The following GRM8 variants were observed in gnomAD, a reference collection of about 807,000 sequenced individuals.
GRM8 encodes glutamate metabotropic receptor 8, also known as metabotropic glutamate receptor 8.
GRM8 carries 47 observed loss-of-function variants against 87.2 expected under a neutral mutation model. That is an observed-to-expected ratio of 0.54 (90% CI 0.43 to 0.69). The LOEUF (loss-of-function observed/expected upper bound fraction) is 0.69, where lower values mean the gene tolerates loss of function less well. Ranked by LOEUF, GRM8 falls within the 30% of genes least tolerant of loss-of-function variation. GRM8 has a pLI of 0.00. For synonymous variants in GRM8, 396 were observed against 404.5 expected (o/e 0.98, Z 0.25); for missense variants, 1,019 against 1,139.2 (o/e 0.89, Z 1.52).
At chr7:127,180,193 C>A (rs966040025) in intron 2 of GRM8, among the ~76,000 whole-genome samples, 2 of 152,014 alleles carry the variant, frequency 1.3e-5, no homozygotes, top group African/African-American at 4.8e-5. Flanking sequence ...CACTGAAATA[C>A]AAAAGATCAT....
rs541635023 is a variant in GRM8 at position 127,244,205 on chromosome 7, G to T, written c.-311-690C>A. ...AGATATTCCTATTACCATTGTCAGGGTTTCCAATTAATTTGTCGGTGTGGG... is the reference window on the plus strand; with the variant it reads ...AGATATTCCTATTACCATTGTCAGGTTTTCCAATTAATTTGTCGGTGTGGG... On this transcript the variant is annotated intron_variant, in intron 1 of 10. Coordinates refer to ENST00000339582, the MANE Select transcript of GRM8 (RefSeq NM_000845.3). Among the ~76,000 whole-genome samples the T allele has an allele frequency of 3.3e-5, 5 of 152,256 alleles. No individual in the cohort carries two copies. In the South Asian group the frequency reaches 1.0e-3, roughly 32 times the overall value.
intron 7 of GRM8, among the ~76,000 whole-genome samples, chr7:126,768,254 C>G (rs1466417577): frequency 6.7e-6 from 1 of 148,948 alleles, no homozygotes; most frequent in Non-Finnish European, 1.5e-5. Flanking sequence ...CTCCAGGAAA[C>G]TCGAAGTGCC....
Position 126,827,477 on chromosome 7 carries a change from T to C in GRM8, c.1157-57412A>G, listed in dbSNP as rs146902842. ...AAGTATTTTATTCTCTTTGAAGCAA[T>C]TGTGAATGGGAGTTCACTCATGATT... is the stretch of plus-strand genomic sequence containing the variant. On this transcript the variant is annotated intron_variant, in intron 6 of 10. Transcript: ENST00000339582. Among the ~76,000 whole-genome samples the C allele has an allele frequency of 6.1e-3, 931 of 152,346 alleles. 13 individuals are homozygous for C. Among genetic ancestry groups the C allele is most frequent in the African/African-American group, 0.021 (880 of 41,570 alleles).
intron 6 of GRM8, among the ~76,000 whole-genome samples, chr7:126,834,040 A>G (rs1039444386): frequency 3.9e-5 from 6 of 152,168 alleles, no homozygotes; most frequent in African/African-American, 1.4e-4. Flanking sequence ...AAAGACTGAA[A>G]GAAGTGTATT....
intron 6 of GRM8, among the ~76,000 whole-genome samples, chr7:126,891,440 C>G (rs1372405435): frequency 6.6e-6 from 1 of 151,364 alleles, no homozygotes; most frequent in Non-Finnish European, 1.5e-5. Flanking sequence ...CTTCTGGTGC[C>G]CATTCATTGA....
chr7:126,734,614 T>C lies in GRM8; in HGVS notation c.1357+35251A>G, dbSNP rs575673818. 3.9e-5 allele frequency among the ~76,000 whole-genome samples: 6 copies of C among 152,082 alleles called. No homozygotes were observed. The East Asian group carries it at 7.7e-4, about 20-fold the overall frequency. On this transcript the variant is annotated intron_variant, in intron 7 of 10. Transcript: ENST00000339582. ...GCTATCAAAAACTCAAAAAATTAGA[T>C]GTCTATTTCATAACTTACAACACAA...
intron 3 of GRM8, among the ~76,000 whole-genome samples, chr7:126,958,398 C>A (rs1385379089): frequency 6.6e-6 from 1 of 152,194 alleles, no homozygotes; most frequent in Non-Finnish European, 1.5e-5. Context: ...TCAAGTGCCA[C>A]CACGTTCCAC....
chr7:126,441,116 A>G (rs1407608644), intron 10 of GRM8, among the ~76,000 whole-genome samples: 1 of 152,082 alleles, frequency 6.6e-6, no homozygotes, highest in Non-Finnish European at 1.5e-5. Context: ...AAGTAATTAT[A>G]ATTAGCTGTC....
intron 9 of GRM8, among the ~76,000 whole-genome samples, chr7:126,464,303 T>A (rs1362227244): frequency 6.6e-6 from 1 of 151,754 alleles, no homozygotes; most frequent in African/African-American, 2.4e-5. Flanking sequence ...TTGCATGGAA[T>A]GTATTTTACC....
At chr7:126,615,303 C>A (rs910914718) in intron 7 of GRM8, among the ~76,000 whole-genome samples, 23 of 152,016 alleles carry the variant, frequency 1.5e-4, no homozygotes, top group African/African-American at 3.9e-4. Context: ...GAAATAAAAT[C>A]CTTTAGAGAC....
intron 2 of GRM8, among the ~76,000 whole-genome samples, chr7:127,239,845 G>A (rs17869255): frequency 0.022 from 3,315 of 152,296 alleles, 115 homozygotes; most frequent in African/African-American, 0.075. Context: ...TCACCTGTAA[G>A]ATGGACTAGG....
At chr7:127,032,423 G>A (rs2132313175) in intron 3 of GRM8, among the ~76,000 whole-genome samples, 1 of 152,072 alleles carries the variant, frequency 6.6e-6, no homozygotes, top group Non-Finnish European at 1.5e-5. Context: ...AGCTCTTTTT[G>A]CCCATCCGTC....
At chr7:126,885,890 T>A (rs1024097258) in intron 6 of GRM8, among the ~76,000 whole-genome samples, 2 of 152,114 alleles carry the variant, frequency 1.3e-5, no homozygotes, top group African/African-American at 4.8e-5. Context: ...AAAGGCCAGT[T>A]TTTTTCCCCT....
At chr7:126,461,584 A>G (rs1248854495) in intron 9 of GRM8, among the ~76,000 whole-genome samples, 1 of 151,488 alleles carries the variant, frequency 6.6e-6, no homozygotes, top group African/African-American at 2.4e-5. Flanking sequence ...CTTTTTCTCC[A>G]ATATCCTGCC....
intron 6 of GRM8, chr7:126,868,818 A>T (rs919625579): frequency 1.3e-5 from 2 of 152,338 alleles, no homozygotes; most frequent in African/African-American, 4.8e-5. Flanking sequence ...TCTTGCCTCC[A>T]TGTTGATGGA....
At chr7:126,479,250 C>G (rs1003150591) in intron 9 of GRM8, among the ~76,000 whole-genome samples, 1 of 152,030 alleles carries the variant, frequency 6.6e-6, no homozygotes, top group South Asian at 2.1e-4. Context: ...ATTATTGATA[C>G]AGAATTCATG....
chr7:126,742,302 T>C (rs1300611292), intron 7 of GRM8, among the ~76,000 whole-genome samples: 1 of 151,944 alleles, frequency 6.6e-6, no homozygotes, highest in Non-Finnish European at 1.5e-5. Context: ...TTTATATAGG[T>C]AGAAAGACAT....
intron 9 of GRM8, among the ~76,000 whole-genome samples, chr7:126,527,084 C>T (rs574991622): frequency 9.2e-5 from 14 of 152,258 alleles, no homozygotes; most frequent in East Asian, 7.7e-4. Flanking sequence ...GTTGGCTGGG[C>T]GCGGTGGCTC....
At chr7:127,087,187 C>T (rs1823599103) in intron 3 of GRM8, among the ~76,000 whole-genome samples, 1 of 152,174 alleles carries the variant, frequency 6.6e-6, no homozygotes, top group Non-Finnish European at 1.5e-5. Flanking sequence ...CAGCCTCAGT[C>T]CCAGGCCCTT....
Sources: gnomAD v4.1 joint callset for allele counts (sites outside exome capture counted in the v4.1 genomes callset) on GRCh38, gnomAD v4.1.1 for gene constraint, MANE v1.5 for transcripts, NCBI Gene and HGNC (gene_info 2026-07-23, HGNC 2026-07-21) for gene names.